Variants in SLC17A1 observed in about 807,000 individuals in gnomAD.
The protein encoded by SLC17A1 is sodium-dependent phosphate transport protein 1.
SLC17A1 carries 51 observed loss-of-function variants against 53.5 expected under a neutral mutation model. That is an observed-to-expected ratio of 0.95 (90% CI 0.76 to 1.20). SLC17A1 has a LOEUF of 1.20. SLC17A1 is among the 50% of genes most tolerant of loss of function. SLC17A1 has a pLI of 0.00. For missense variants in SLC17A1, 538 were observed against 568.2 expected (o/e 0.95, Z 0.54); for synonymous variants, 179 against 198.8 (o/e 0.90, Z 0.84).
the SLC17A1 span, among the ~76,000 whole-genome samples, chr6:25,728,097 A>G: frequency 2.7e-3 from 411 of 152,284 alleles, 4 homozygotes; most frequent in African/African-American, 8.6e-3. Context: ...ACATAATAAA[A>G]CTAAAAAGCG....
chr6:25,769,297 A>G, the SLC17A1 span: 2 of 1,065,472 alleles, frequency 1.9e-6, no homozygotes, highest in Non-Finnish European at 2.7e-6. Context: ...CTGAACATGT[A>G]CTATGTGCCA....
the SLC17A1 span, among the ~76,000 whole-genome samples, chr6:25,758,652 C>T: frequency 8.2e-4 from 125 of 152,276 alleles, no homozygotes; most frequent in African/African-American, 2.6e-3. Context: ...CGTTTTGTTT[C>T]AAATTGAGCT....
the SLC17A1 span, among the ~76,000 whole-genome samples, chr6:25,729,146 A>G: frequency 2.0e-5 from 3 of 152,388 alleles, no homozygotes; most frequent in South Asian, 6.2e-4. Context: ...TGGGCAATAG[A>G]TAAGTAGGAA....
chr6:25,821,973 G>C (rs1294482140), intron 3 of SLC17A1, among the ~76,000 whole-genome samples: 3 of 152,024 alleles, frequency 2.0e-5, no homozygotes, highest in Non-Finnish European at 2.9e-5. Context: ...ATAAACATAG[G>C]TCACAGAAAT....
chr6:25,727,879 G>T, the SLC17A1 span, among the ~76,000 whole-genome samples: 1 of 151,914 alleles, frequency 6.6e-6, no homozygotes, highest in Admixed American at 6.6e-5. Flanking sequence ...TCAGGTGGGC[G>T]TGGTGGCGTG....
At chr6:25,727,399 G>GTT in the SLC17A1 span, 152,664 of 673,824 alleles carry the variant, frequency 0.23, 5,731 homozygotes, top group Non-Finnish European at 0.24. Flanking sequence ...AACCGTAAGG[G>GTT]TTTTTTTTTT....
chr6:25,733,448 T>G, the SLC17A1 span, among the ~76,000 whole-genome samples: 1 of 152,162 alleles, frequency 6.6e-6, no homozygotes, highest in Non-Finnish European at 1.5e-5. Context: ...GCATGTTTTC[T>G]TCTGCCAAAG....
At chr6:25,743,162 C>T in the SLC17A1 span, among the ~76,000 whole-genome samples, 4 of 152,142 alleles carry the variant, frequency 2.6e-5, no homozygotes, top group Non-Finnish European at 5.9e-5. Context: ...GGTGAAAAAA[C>T]TGTGTATTGA....
chr6:25,762,098 T>G, the SLC17A1 span: 5 of 1,532,186 alleles, frequency 3.3e-6, no homozygotes, highest in East Asian at 2.3e-5. Context: ...AACTAGGATC[T>G]GTGGCACTGT....
chr6:25,798,689 C>T, intron 12 of SLC17A1, 94 bp downstream of exon 12: 2 of 1,182,914 alleles, frequency 1.7e-6, no homozygotes, highest in Non-Finnish European at 1.2e-6. Flanking sequence ...AAACCTGCAC[C>T]CGTTATTCCT....
At position 25,819,750 on chromosome 6, in the gene SLC17A1, T is replaced by C. The variant is rs774113681; in HGVS notation, c.373A>G (p.Ile125Val). The change falls in exon 4 of 13, where the codon ATC becomes GTC. Residue 125 changes from isoleucine to valine, a missense_variant. Transcript: ENST00000244527. Reference sequence around the variant, plus strand: ...ACTCCAATTCCAGCTGCTGGTGGGATGAGCAGGCTTAACACAGAGCTGAGG... The same window carrying C: ...ACTCCAATTCCAGCTGCTGGTGGGACGAGCAGGCTTAACACAGAGCTGAGG... ...LCLSSVLSLL[I>V]PPAAGIGVAW... 7 of 1,614,100 alleles carry C rather than the reference T, an allele frequency of 4.3e-6. No homozygotes were observed. The highest frequency in any genetic ancestry group is 5.9e-6 in the Non-Finnish European group (7 of 1,180,032).
chr6:25,755,756 C>T, the SLC17A1 span, among the ~76,000 whole-genome samples: 1 of 152,220 alleles, frequency 6.6e-6, no homozygotes, highest in Non-Finnish European at 1.5e-5. Context: ...ATCTTCCCTT[C>T]TGGGTCTAAC....
chr6:25,730,090 A>G, the SLC17A1 span, among the ~76,000 whole-genome samples: 1 of 152,216 alleles, frequency 6.6e-6, no homozygotes, highest in Admixed American at 6.5e-5. Context: ...CATTGTGGAA[A>G]ACAGTATAGA....
At chr6:25,748,300 C>T in the SLC17A1 span, among the ~76,000 whole-genome samples, 1 of 152,118 alleles carries the variant, frequency 6.6e-6, no homozygotes, top group Non-Finnish European at 1.5e-5. Flanking sequence ...TGAAATTACA[C>T]AACACACCTG....
intron 10 of SLC17A1, among the ~76,000 whole-genome samples, chr6:25,810,901 C>T (rs963619566): frequency 7.2e-5 from 11 of 152,106 alleles, no homozygotes; most frequent in Non-Finnish European, 1.6e-4. Flanking sequence ...GGTATATATA[C>T]ACAATGGGAT....
chr6:25,805,747 C>T (rs575823050), intron 10 of SLC17A1, among the ~76,000 whole-genome samples: 1 of 152,118 alleles, frequency 6.6e-6, no homozygotes, highest in African/African-American at 2.4e-5. Context: ...CACCTCTATG[C>T]ACATAAACTA....
chr6:25,823,218 A>G (rs1764624837), intron 3 of SLC17A1, among the ~76,000 whole-genome samples: 1 of 152,142 alleles, frequency 6.6e-6, no homozygotes, highest in Non-Finnish European at 1.5e-5. Flanking sequence ...ATGGACATAT[A>G]GGTTATTTCC....
the SLC17A1 span, among the ~76,000 whole-genome samples, chr6:25,733,836 G>A: frequency 1.0e-4 from 15 of 146,162 alleles, no homozygotes; most frequent in African/African-American, 3.6e-4. Context: ...GTGTGTGTGT[G>A]TATGACAGAG....
Position 25,811,480 on chromosome 6 carries a change from C to G in SLC17A1, c.1096G>C (p.Val366Leu). ...GCACCAGCAAGTATTAGGAAAATGA[C>G]AATGCTGTAGAAGGTGGAACTCAGG... ...PYLSSTFYSI[V>L]IFLILAGATG... is the part of the protein sequence containing the mutation. The change falls in exon 10 of 13, where the codon GTC (valine) becomes CTC (leucine). Residue 366 changes from valine to leucine, a missense_variant. By Grantham distance (32) the Val-to-Leu change is conservative. Coordinates refer to ENST00000244527, the MANE Select transcript of SLC17A1 (RefSeq NM_005074.5). 1 of 1,613,934 alleles carries G rather than the reference C, an allele frequency of 6.2e-7. No individual in the cohort carries two copies. Among genetic ancestry groups the G allele is most frequent in the Non-Finnish European group, 8.5e-7 (1 of 1,179,928 alleles).
Sources: allele counts gnomAD v4.1 joint callset (sites outside exome capture counted in the v4.1 genomes callset), GRCh38; gene constraint gnomAD v4.1.1; transcripts MANE v1.5; gene names NCBI Gene and HGNC (gene_info 2026-07-23, HGNC 2026-07-21).